Variants in EPAS1 observed in about 807,000 individuals in gnomAD.
The protein encoded by EPAS1 is endothelial PAS domain protein 1, also known as endothelial PAS domain-containing protein 1.
Under a neutral mutation model 87.9 loss-of-function variants are expected in EPAS1, and 23 were observed. The observed-to-expected ratio is 0.26, with a 90% CI of 0.19 to 0.37. EPAS1 has a LOEUF of 0.37. EPAS1 is among the 10% of genes least tolerant of loss of function. EPAS1 has a pLI of 1.00. For synonymous variants in EPAS1, 508 were observed against 444.3 expected, an observed-to-expected ratio of 1.14 and a Z score of -1.80; for missense variants, 1,138 against 1,120.7, an observed-to-expected ratio of 1.02 and a Z score of -0.22.
intron 1 of EPAS1, among the ~76,000 whole-genome samples, chr2:46,321,391 T>A (rs1011426890): frequency 6.6e-6 from 1 of 152,226 alleles, no homozygotes. Context: ...GACCTAGAAG[T>A]GGAATTTCTG....
rs1260762955 is a variant in EPAS1 at position 46,371,066 on chromosome 2, CT to C, written c.886+1134del. ...GCACTATATAAACCGATGGGCAAGA[CT>C]GTATTTGGAAAAGAATGCTTCAAAA... is the stretch of plus-strand genomic sequence containing the variant. On this transcript the variant is annotated intron_variant, in intron 7 of 15. Transcript: ENST00000263734. This position sits in a 1 kb window ranked among gnomAD's most constrained non-coding sequence, Gnocchi z 4.3. Among the ~76,000 whole-genome samples the C allele has an allele frequency of 5.3e-5, 8 of 152,282 alleles. No homozygotes were observed. Among genetic ancestry groups the C allele is most frequent in the African/African-American group, 1.7e-4 (7 of 41,548 alleles).
intron 1 of EPAS1, among the ~76,000 whole-genome samples, chr2:46,318,101 G>A (rs1683378065): frequency 6.6e-6 from 1 of 152,074 alleles, no homozygotes; most frequent in Non-Finnish European, 1.5e-5. Flanking sequence ...AGAGCCCATT[G>A]TAGAGTTATT....
intron 1 of EPAS1, among the ~76,000 whole-genome samples, chr2:46,313,119 A>G (rs191045759): frequency 1.3e-5 from 2 of 152,300 alleles, no homozygotes; most frequent in East Asian, 3.9e-4. Flanking sequence ...TTGACACCTA[A>G]AAGATACCTT....
chr2:46,345,887 T>C (rs972627197), intron 1 of EPAS1, among the ~76,000 whole-genome samples: 5 of 152,238 alleles, frequency 3.3e-5, no homozygotes, highest in Non-Finnish European at 7.3e-5. Context: ...ACAGGCTTAG[T>C]GCTAAAGATT....
At chr2:46,342,307 A>G (rs181225484) in intron 1 of EPAS1, among the ~76,000 whole-genome samples, 122 of 152,280 alleles carry the variant, frequency 8.0e-4, no homozygotes, top group African/African-American at 2.8e-3. Context: ...TACAGCAGCC[A>G]CAAGCCTCAT....
At chr2:46,311,815 A>G (rs558885752) in intron 1 of EPAS1, among the ~76,000 whole-genome samples, 7 of 152,260 alleles carry the variant, frequency 4.6e-5, no homozygotes, top group African/African-American at 1.7e-4. Flanking sequence ...TGGTGTGGTC[A>G]CTGTGGCCGC....
chr2:46,331,889 T>A (rs909719656), intron 1 of EPAS1, among the ~76,000 whole-genome samples: 1 of 152,248 alleles, frequency 6.6e-6, no homozygotes, highest in Admixed American at 6.5e-5. Flanking sequence ...CAGGCTGTTT[T>A]TTTTTCCCCG....
At chr2:46,366,165 GGAA>G (rs1684497406) in intron 6 of EPAS1, among the ~76,000 whole-genome samples, 2 of 152,244 alleles carry the variant, frequency 1.3e-5, no homozygotes, top group Non-Finnish European at 2.9e-5. Flanking sequence ...TTACATGCGG[GGAA>G]GAAGAGCGAG....
At chr2:46,342,751 AC>A (rs1266479482) in intron 1 of EPAS1, among the ~76,000 whole-genome samples, 2 of 152,210 alleles carry the variant, frequency 1.3e-5, no homozygotes, top group Non-Finnish European at 2.9e-5. Flanking sequence ...CGGAGCAATG[AC>A]CTAAAAGTTA....
chr2:46,327,203 G>C (rs537825454), intron 1 of EPAS1, among the ~76,000 whole-genome samples: 2 of 152,280 alleles, frequency 1.3e-5, no homozygotes, highest in African/African-American at 4.8e-5. Flanking sequence ...TTTCATGGTT[G>C]AATATGTATT....
intron 2 of EPAS1, among the ~76,000 whole-genome samples, chr2:46,351,785 G>T (rs4953356): frequency 0.65 from 98,311 of 151,996 alleles, 33,673 homozygotes; most frequent in East Asian, 0.89. Flanking sequence ...TGGAATAAAA[G>T]TGCAGCCAGC....
intron 1 of EPAS1, among the ~76,000 whole-genome samples, chr2:46,301,537 G>A (rs1682997713): frequency 6.7e-6 from 1 of 149,932 alleles, no homozygotes; most frequent in Non-Finnish European, 1.5e-5. Flanking sequence ...AGATAGCGCT[G>A]CTGCACTCCA....
chr2:46,357,756 A>G (rs1051458530), intron 4 of EPAS1, among the ~76,000 whole-genome samples: 40 of 152,364 alleles, frequency 2.6e-4, no homozygotes, highest in African/African-American at 9.6e-4. Flanking sequence ...AAAAAGATGT[A>G]GCATTCAGGA....
In EPAS1 at chr2:46,375,589, T is replaced by C; in HGVS notation, c.887-101T>C. ...CTGTCGTGGCGCCCTGTTCTGTCTG[T>C]TCCCCTGCAGATTAGACTGCCCTCC... On this transcript the variant is annotated intron_variant, in intron 7 of 15. Coordinates refer to ENST00000263734, the MANE Select transcript of EPAS1 (RefSeq NM_001430.5). This position sits in a 1 kb window ranked among gnomAD's most constrained non-coding sequence, Gnocchi z 4.1. 2 of 1,450,074 alleles carry C rather than the reference T, an allele frequency of 1.4e-6. No homozygotes were observed. Among genetic ancestry groups the C allele is most frequent in the Non-Finnish European group, 1.9e-6 (2 of 1,055,988 alleles). 89.8% of individuals were successfully genotyped at this position (1,450,074 alleles called of 1,614,324 possible).
At position 46,378,076 on chromosome 2, in the gene EPAS1, A is replaced by T. The variant is rs1407435090; in HGVS notation, c.1432A>T (p.Ser478Cys). The T allele has an allele frequency of 1.9e-6, 3 of 1,600,546 alleles. No homozygotes were observed. Among genetic ancestry groups the T allele is most frequent in the Non-Finnish European group, 2.6e-6 (3 of 1,174,686 alleles). ...CCCCAGTGCCACCAGCAGCAGCAGC[A>T]GCTGCTCCACGGTGAGCAGCCCTCT... is the stretch of plus-strand genomic sequence containing the variant. ...TTPSATSSSS[S>C]CSTPNSPEDY... The change falls in exon 10 of 16, where the codon AGC becomes TGC. Residue 478 changes from serine (S) to cysteine (C), a missense_variant. Ser to Cys is a moderately radical substitution (Grantham distance 112, BLOSUM62 -1). This residue lies in a region of EPAS1 where 284 missense variants were observed against 258.4 expected (regional missense o/e 1.10). Coordinates refer to ENST00000263734, the MANE Select transcript of EPAS1 (RefSeq NM_001430.5).
At chr2:46,356,422 T>A in intron 3 of EPAS1, 120 bp downstream of exon 3, 1 of 1,318,792 alleles carries the variant, frequency 7.6e-7, no homozygotes, top group Non-Finnish European at 1.1e-6. Context: ...ACGGTGACCC[T>A]CGCTGACCTC....
chr2:46,384,678 G>A lies in EPAS1; in HGVS notation c.*18G>A, dbSNP rs1487915583. ...CCACCTGAGCCAGGCCTTCTACCTG[G>A]GCAGCACCTCTGCCGACGCCGTCCC... On this transcript the variant is annotated 3_prime_UTR_variant, in exon 16 of 16. Coordinates refer to ENST00000263734, the MANE Select transcript of EPAS1 (RefSeq NM_001430.5). 1 of 1,612,576 alleles carries A rather than the reference G, an allele frequency of 6.2e-7. No individual in the cohort carries two copies. The highest frequency in any genetic ancestry group is 8.5e-7 in the Non-Finnish European group (1 of 1,179,870).
At chr2:46,356,127 T>TTGGGGG in intron 2 of EPAS1, 24 bp from the exon 3 acceptor site, 2 of 1,395,470 alleles carry the variant, frequency 1.4e-6, no homozygotes, top group Non-Finnish European at 2.0e-6. Context: ...TCATGCAAGC[T>TTGGGGG]GTCCCACCCC....
intron 4 of EPAS1, among the ~76,000 whole-genome samples, chr2:46,357,685 C>T (rs1462932302): frequency 6.6e-6 from 1 of 152,144 alleles, no homozygotes; most frequent in African/African-American, 2.4e-5. Context: ...AGAAGAGCTA[C>T]CACAGGAAAT....
Sources: allele counts gnomAD v4.1 joint callset (sites outside exome capture counted in the v4.1 genomes callset), GRCh38; gene constraint gnomAD v4.1.1; regional missense constraint gnomAD v4.1.1; non-coding constraint Gnocchi (gnomAD v3.1); transcripts MANE v1.5; gene names NCBI Gene and HGNC (gene_info 2026-07-23, HGNC 2026-07-21).